The following RBFOX1 variants were observed in gnomAD, a reference collection of about 807,000 sequenced individuals.
RBFOX1 encodes RNA binding fox-1 homolog 1, also known as RNA binding protein fox-1 homolog 1.
RBFOX1 carries 8 observed loss-of-function variants against 57.7 expected under a neutral mutation model. That is an observed-to-expected ratio of 0.14 (90% CI 0.08 to 0.25). RBFOX1 has a LOEUF of 0.25. Among genes scored for constraint, RBFOX1 ranks in the 10% least tolerant of loss-of-function variants. RBFOX1 has a pLI of 1.00. For synonymous variants in RBFOX1, 326 were observed against 222.4 expected (o/e 1.47, Z -4.15); for missense variants, 611 against 548.5 (o/e 1.11, Z -1.14).
intron 2 of RBFOX1, among the ~76,000 whole-genome samples, chr16:6,416,815 A>G (rs1157684703): frequency 6.6e-6 from 1 of 152,148 alleles, no homozygotes; most frequent in African/African-American, 2.4e-5. Flanking sequence ...GCTGGTAATC[A>G]CTGACTTAGA....
chr16:6,389,471 C>G (rs73532357), intron 2 of RBFOX1, among the ~76,000 whole-genome samples: 1 of 152,022 alleles, frequency 6.6e-6, no homozygotes, highest in East Asian at 1.9e-4. Flanking sequence ...AAAGCAGGCA[C>G]CTGGTTTCTG....
At chr16:6,048,099 C>T (rs1274430393) in intron 1 of RBFOX1, among the ~76,000 whole-genome samples, 2 of 152,126 alleles carry the variant, frequency 1.3e-5, no homozygotes, top group East Asian at 1.9e-4. Context: ...AATATGTGCG[C>T]AGCATTTTAC....
At chr16:6,441,198 T>A (rs1453632367) in intron 2 of RBFOX1, among the ~76,000 whole-genome samples, 1 of 152,002 alleles carries the variant, frequency 6.6e-6, no homozygotes, top group African/African-American at 2.4e-5. Context: ...GGGCTAATAA[T>A]GTCTAATGCC....
At chr16:7,189,676 C>T (rs2084896398) in intron 4 of RBFOX1, among the ~76,000 whole-genome samples, 1 of 151,980 alleles carries the variant, frequency 6.6e-6, no homozygotes, top group Admixed American at 6.6e-5. Context: ...TAGCCTACCA[C>T]TGGGAAAAAG....
chr16:6,989,715 AG>A (rs1380460122), intron 3 of RBFOX1, among the ~76,000 whole-genome samples: 3 of 152,132 alleles, frequency 2.0e-5, no homozygotes, highest in Non-Finnish European at 2.9e-5. Flanking sequence ...AGTCCCTAAA[AG>A]GGGTCAGGTG....
chr16:5,470,397 G>A (rs1166915277), intron 2 of RBFOX1, among the ~76,000 whole-genome samples: 1 of 152,182 alleles, frequency 6.6e-6, no homozygotes, highest in African/African-American at 2.4e-5. Context: ...TAAACGTTGG[G>A]AAGTCTGTGC....
At chr16:6,906,331 C>T (rs1206348765) in intron 3 of RBFOX1, among the ~76,000 whole-genome samples, 2 of 151,598 alleles carry the variant, frequency 1.3e-5, no homozygotes, top group Non-Finnish European at 1.5e-5. Flanking sequence ...TCAATTGTGT[C>T]TCAGGCACTA....
intron 7 of RBFOX1, 50 bp downstream of exon 7, chr16:7,587,350 T>G (rs1427272877): frequency 1.4e-6 from 2 of 1,458,330 alleles, no homozygotes; most frequent in Non-Finnish European, 1.8e-6. Flanking sequence ...TTTAAATGTT[T>G]GTTATGAATA....
chr16:7,598,879 AAGAAAACAATGATCTAG>A (rs2094857071), intron 9 of RBFOX1, among the ~76,000 whole-genome samples: 1 of 152,250 alleles, frequency 6.6e-6, no homozygotes, highest in South Asian at 2.1e-4. Flanking sequence ...ATCACAATAA[AAGAAAACAATGATCTAG>A]CAATGTATTA....
At chr16:7,295,679 G>GGAGTACACCTTTTCT (rs1410257002) in intron 4 of RBFOX1, among the ~76,000 whole-genome samples, 2 of 152,026 alleles carry the variant, frequency 1.3e-5, no homozygotes, top group Non-Finnish European at 2.9e-5. Context: ...TGTACTCAGG[G>GGAGTACACCTTTTCT]GAGTACACCT....
At chr16:6,954,195 T>G (rs75712213) in intron 3 of RBFOX1, among the ~76,000 whole-genome samples, 122 of 152,272 alleles carry the variant, frequency 8.0e-4, no homozygotes, top group African/African-American at 2.9e-3. Flanking sequence ...TACTCACATA[T>G]TTATGTAAAA....
chr16:6,031,470 G>C (rs539712004), intron 1 of RBFOX1, among the ~76,000 whole-genome samples: 5 of 152,334 alleles, frequency 3.3e-5, no homozygotes, highest in African/African-American at 1.2e-4. Context: ...CAAGATAGGT[G>C]CGAGAATAAG....
intron 14 of RBFOX1, among the ~76,000 whole-genome samples, chr16:7,705,226 GC>G (rs1355255673): frequency 2.0e-5 from 3 of 152,054 alleles, no homozygotes; most frequent in African/African-American, 7.2e-5. Context: ...GCCTGTGTGG[GC>G]CGGGCATGGT....
At chr16:7,564,302 C>G (rs891476089) in intron 5 of RBFOX1, among the ~76,000 whole-genome samples, 1 of 151,736 alleles carries the variant, frequency 6.6e-6, no homozygotes, top group Non-Finnish European at 1.5e-5. Flanking sequence ...CACTTTGGGA[C>G]GCAGAGGTGG....
chr16:6,772,615 AT>A (rs2078504591), intron 3 of RBFOX1, among the ~76,000 whole-genome samples: 1 of 116,696 alleles, frequency 8.6e-6, no homozygotes, highest in Non-Finnish European at 1.8e-5. Context: ...TTGTGAGTGT[AT>A]GTGTATGTGT....
intron 2 of RBFOX1, among the ~76,000 whole-genome samples, chr16:6,383,737 TC>T (rs1384373694): frequency 6.6e-6 from 1 of 151,390 alleles, no homozygotes; most frequent in Non-Finnish European, 1.5e-5. Flanking sequence ...ACCACTGCAC[TC>T]CAGCCTGGGC....
chr16:5,321,971 G>C (rs530096797), intron 1 of RBFOX1, among the ~76,000 whole-genome samples: 1 of 152,142 alleles, frequency 6.6e-6, no homozygotes, highest in African/African-American at 2.4e-5. Flanking sequence ...ACTCCCTCTC[G>C]TCTCACCTTC....
intron 3 of RBFOX1, among the ~76,000 whole-genome samples, chr16:6,732,522 A>G (rs1185118312): frequency 1.3e-5 from 2 of 152,166 alleles, no homozygotes; most frequent in Non-Finnish European, 2.9e-5. Flanking sequence ...AATCTAGAAA[A>G]CATTTAGTGT....
At chr16:7,467,651 G>A (rs191777978) in intron 4 of RBFOX1, among the ~76,000 whole-genome samples, 90 of 152,306 alleles carry the variant, frequency 5.9e-4, no homozygotes, top group African/African-American at 2.1e-3. Flanking sequence ...CCTTGCTAGG[G>A]TGTCTGAGGA....
Sources: gnomAD v4.1 joint callset for allele counts (sites outside exome capture counted in the v4.1 genomes callset) on GRCh38, gnomAD v4.1.1 for gene constraint, MANE v1.5 for transcripts, NCBI Gene and HGNC (gene_info 2026-07-23, HGNC 2026-07-21) for gene names.